The following LIMS1 variants were observed in gnomAD, a reference collection of about 807,000 sequenced individuals.
The protein encoded by LIMS1 is LIM zinc finger domain containing 1.
A neutral mutation model predicts 44.1 loss-of-function variants in LIMS1; 18 were observed. The observed-to-expected ratio is 0.41, with a 90% CI of 0.28 to 0.61. The LOEUF is 0.61. Among genes scored for constraint, LIMS1 ranks in the 20% least tolerant of loss-of-function variants. The pLI is 0.32. For synonymous variants in LIMS1, 93 were observed against 149.1 expected, an observed-to-expected ratio of 0.62 and a Z score of 2.74; for missense variants, 201 against 422.0, an observed-to-expected ratio of 0.48 and a Z score of 4.59.
chr2:108,555,286 T>G (rs572654629), intron 1 of LIMS1, among the ~76,000 whole-genome samples: 17 of 152,124 alleles, frequency 1.1e-4, no homozygotes, highest in Non-Finnish European at 2.2e-4. Flanking sequence ...GTATTTCCAC[T>G]GGCAGCCATT....
At chr2:108,647,770 A>G (rs1367780221) in intron 1 of LIMS1, among the ~76,000 whole-genome samples, 1 of 152,242 alleles carries the variant, frequency 6.6e-6, no homozygotes, top group African/African-American at 2.4e-5. Context: ...ACAGTGCTTC[A>G]TACTAAAAAC....
intron 1 of LIMS1, among the ~76,000 whole-genome samples, chr2:108,564,350 T>C (rs1685223148): frequency 6.6e-6 from 1 of 152,238 alleles, no homozygotes; most frequent in African/African-American, 2.4e-5. Flanking sequence ...AACATAATTT[T>C]ATATGCACTG....
intron 8 of LIMS1, among the ~76,000 whole-genome samples, 158 bp from the exon 9 acceptor site, chr2:108,680,537 A>AT (rs1256651889): frequency 5.6e-5 from 6 of 107,636 alleles, no homozygotes; most frequent in Admixed American, 2.2e-4. Flanking sequence ...ACCCTGTCTC[A>AT]TTTAAAAAAA....
At chr2:108,667,419 A>G (rs1691835672) in intron 2 of LIMS1, among the ~76,000 whole-genome samples, 1 of 152,090 alleles carries the variant, frequency 6.6e-6, no homozygotes, top group African/African-American at 2.4e-5. Flanking sequence ...GAACGCAGGC[A>G]GTCTGGATCC....
chr2:108,647,775 A>G (rs182149689), intron 1 of LIMS1, among the ~76,000 whole-genome samples: 3 of 152,344 alleles, frequency 2.0e-5, no homozygotes, highest in Admixed American at 2.0e-4. Flanking sequence ...GCTTCATACT[A>G]AAAACTCTCA....
chr2:108,561,236 G>C (rs572548854), intron 1 of LIMS1, among the ~76,000 whole-genome samples: 1 of 152,338 alleles, frequency 6.6e-6, no homozygotes, highest in Non-Finnish European at 1.5e-5. Flanking sequence ...CACCAGCAGT[G>C]TATAGTGTTC....
At chr2:108,642,193 C>G (rs374412535) in intron 1 of LIMS1, among the ~76,000 whole-genome samples, 1 of 152,036 alleles carries the variant, frequency 6.6e-6, no homozygotes, top group African/African-American at 2.4e-5. Context: ...CTAAGCACTC[C>G]GCTTTTTCTA....
intron 1 of LIMS1, among the ~76,000 whole-genome samples, chr2:108,568,268 A>G (rs1281162038): frequency 6.6e-6 from 1 of 152,166 alleles, no homozygotes; most frequent in South Asian, 2.1e-4. Context: ...GATACCTCCT[A>G]TAGGTGGAAT....
At chr2:108,591,447 G>A (rs1022423411) in intron 1 of LIMS1, among the ~76,000 whole-genome samples, 5 of 152,080 alleles carry the variant, frequency 3.3e-5, no homozygotes, top group Admixed American at 6.6e-5. Context: ...GAAGCCTTCA[G>A]TGAAACTTTT....
At chr2:108,575,160 T>A (rs1459486610) in intron 1 of LIMS1, among the ~76,000 whole-genome samples, 1 of 152,182 alleles carries the variant, frequency 6.6e-6, no homozygotes, top group Non-Finnish European at 1.5e-5. Flanking sequence ...ATAACTTCTC[T>A]CACCCTTTTT....
chr2:108,561,166 G>T lies in LIMS1; in HGVS notation c.32+26572G>T, dbSNP rs578188537. Among the ~76,000 whole-genome samples, 4 of 152,304 alleles carry T rather than the reference G, an allele frequency of 2.6e-5. No homozygotes were observed. In the South Asian group the frequency reaches 8.3e-4, roughly 32 times the overall value. On this transcript the variant is annotated intron_variant, in intron 1 of 9. Transcript: ENST00000544547. ...GCTGTTGGAATCTCTCACTCTGTGGGTATTTTGTTTGAGAAATCTCCAAAC... is the reference window on the plus strand; with the variant it reads ...GCTGTTGGAATCTCTCACTCTGTGGTTATTTTGTTTGAGAAATCTCCAAAC...
chr2:108,564,473 A>T (rs1013669036), intron 1 of LIMS1, among the ~76,000 whole-genome samples: 1 of 152,036 alleles, frequency 6.6e-6, no homozygotes, highest in East Asian at 1.9e-4. Context: ...AGATAAAGAG[A>T]TAGACTTATT....
chr2:108,570,302 T>G (rs2104629916), intron 1 of LIMS1, among the ~76,000 whole-genome samples: 1 of 152,130 alleles, frequency 6.6e-6, no homozygotes, highest in East Asian at 1.9e-4. Flanking sequence ...TGGTGGCGCG[T>G]GCCTGTAATC....
intron 1 of LIMS1, among the ~76,000 whole-genome samples, chr2:108,623,820 A>C (rs1022150049): frequency 1.6e-4 from 25 of 152,200 alleles, no homozygotes; most frequent in African/African-American, 6.0e-4. Flanking sequence ...ACTTTCAGAG[A>C]CTAAAATTGG....
chr2:108,675,915 G>A (rs1254995408), exon 6 of LIMS1: 3 of 1,613,996 alleles, frequency 1.9e-6, no homozygotes, highest in Admixed American at 3.3e-5. Context: ...GCTGAAAGGG[G>A]AGCTATACTG....
intron 2 of LIMS1, among the ~76,000 whole-genome samples, chr2:108,664,467 T>C (rs1001412168): frequency 6.6e-6 from 1 of 152,244 alleles, no homozygotes; most frequent in Non-Finnish European, 1.5e-5. Context: ...TAAGGCATTT[T>C]GTTTATAAAC....
intron 1 of LIMS1, among the ~76,000 whole-genome samples, chr2:108,658,852 T>G (rs1162484462): frequency 6.6e-6 from 1 of 152,310 alleles, no homozygotes; most frequent in African/African-American, 2.4e-5. Context: ...GTAATCTGTT[T>G]TGATTGACAG....
intron 1 of LIMS1, among the ~76,000 whole-genome samples, chr2:108,551,499 A>ATG (rs1684702190): frequency 1.5e-5 from 2 of 136,350 alleles, no homozygotes; most frequent in South Asian, 2.3e-4. Context: ...GCGCACACAC[A>ATG]CACACACACA....
chr2:108,625,413 T>C (rs561507512), intron 1 of LIMS1, among the ~76,000 whole-genome samples: 1 of 152,156 alleles, frequency 6.6e-6, no homozygotes, highest in Non-Finnish European at 1.5e-5. Context: ...ACAGAAAACC[T>C]GGGCTGACCC....
Sources: allele counts gnomAD v4.1 joint callset (sites outside exome capture counted in the v4.1 genomes callset), GRCh38; gene constraint gnomAD v4.1.1; transcripts MANE v1.5; gene names NCBI Gene and HGNC (gene_info 2026-07-23, HGNC 2026-07-21).